RSF1: variants seen among roughly 807,000 people sequenced by gnomAD.
RSF1 encodes the protein remodeling and spacing factor 1.
A neutral mutation model predicts 145.2 loss-of-function variants in RSF1; 13 were observed. That is an observed-to-expected ratio of 0.09 (90% CI 0.06 to 0.14). The LOEUF is 0.14. Among genes scored for constraint, RSF1 ranks in the 10% least tolerant of loss-of-function variants. The probability of loss-of-function intolerance (pLI) is 1.00; values close to 1 mark genes in which losing one functional copy is unlikely to be tolerated. For missense variants in RSF1, 1,517 were observed against 1,718.2 expected (o/e 0.88, Z 2.07); for synonymous variants, 577 against 592.6 (o/e 0.97, Z 0.38).
chr11:77,712,845 A>G (rs1328608966), intron 5 of RSF1, among the ~76,000 whole-genome samples: 1 of 152,162 alleles, frequency 6.6e-6, no homozygotes, highest in Non-Finnish European at 1.5e-5. Context: ...TTTGTTACTA[A>G]AACTCTTACT....
At chr11:77,729,593 C>CAAA (rs763731047) in intron 4 of RSF1, among the ~76,000 whole-genome samples, 1 of 138,754 alleles carries the variant, frequency 7.2e-6, no homozygotes. Flanking sequence ...CCCAACCCCA[C>CAAA]AAAAAAAAAA....
chr11:77,830,119 A>ACCCT, the RSF1 span: 1 of 152,252 alleles, frequency 6.6e-6, no homozygotes. Flanking sequence ...ACAGAGCAAG[A>ACCCT]CCCTGTACCT....
rs1211634005 is a variant in RSF1 at position 77,701,462 on chromosome 11, C to T, written c.1767G>A (p.Glu589=). 1 of 1,614,076 alleles carries T rather than the reference C, an allele frequency of 6.2e-7. No individual in the cohort carries two copies. The highest frequency in any genetic ancestry group is 1.3e-5 in the African/African-American group (1 of 75,012). Residue 589 remains glutamate, a synonymous_variant, in exon 6 of 16, where the codon GAG becomes GAA. Coordinates refer to ENST00000308488, the MANE Select transcript of RSF1 (RefSeq NM_016578.4). The stretch of plus-strand genomic sequence containing the variant: ...TATCAAGAAAAGTCTTTTTGGACTT[C>T]TCTAACTTTTCAAGACATTCTAGGA... ...PPILECLEKL[E]KSKKTFLDKD... is the part of the protein sequence containing the mutation.
intron 3 of RSF1, 56 bp downstream of exon 3, chr11:77,746,980 G>C: frequency 2.8e-6 from 3 of 1,071,024 alleles, no homozygotes; most frequent in South Asian, 2.8e-5. Context: ...ATTTAACCAG[G>C]AGTCAAAAGT....
the RSF1 span, among the ~76,000 whole-genome samples, chr11:77,836,921 C>T: frequency 6.6e-5 from 10 of 152,026 alleles, no homozygotes; most frequent in East Asian, 3.9e-4. Flanking sequence ...GCCAAGATCG[C>T]GCCATTGCAC....
the RSF1 span, among the ~76,000 whole-genome samples, chr11:77,869,503 C>T: frequency 4.8e-4 from 27 of 56,178 alleles, no homozygotes; most frequent in Admixed American, 4.3e-3. Flanking sequence ...TGTAGAGACA[C>T]GGTCGGTCTC....
intron 4 of RSF1, among the ~76,000 whole-genome samples, chr11:77,731,256 C>T (rs1376107386): frequency 6.6e-6 from 1 of 152,126 alleles, no homozygotes; most frequent in Non-Finnish European, 1.5e-5. Context: ...TTCCCCTGCC[C>T]TAGAGATTTG....
the RSF1 span, among the ~76,000 whole-genome samples, chr11:77,853,444 T>C: frequency 6.6e-6 from 1 of 151,782 alleles, no homozygotes; most frequent in Admixed American, 6.6e-5. Flanking sequence ...TATATACTTT[T>C]AAACAACCAG....
At position 77,760,010 on chromosome 11, in the gene RSF1, C is replaced by G. The variant is rs1217196631; in HGVS notation, c.279+4588G>C. 3.3e-5 allele frequency among the ~76,000 whole-genome samples: 5 copies of G among 152,284 alleles called. No individual in the cohort carries two copies. The East Asian group carries it at 9.6e-4, about 29-fold the overall frequency. On this transcript the variant is annotated intron_variant, in intron 2 of 15. Coordinates refer to ENST00000308488, the MANE Select transcript of RSF1 (RefSeq NM_016578.4). Reference sequence around the variant, plus strand: ...GCTATGGTACAGCCGCTATGGAAAACAGTTTGGCAGGTCCTTAAAAAGTTA... The same window carrying G: ...GCTATGGTACAGCCGCTATGGAAAAGAGTTTGGCAGGTCCTTAAAAAGTTA...
rs762669381 is a variant in RSF1 at position 77,734,788 on chromosome 11, C to T, written c.578+5943G>A. ...TTTTTTGATATCCTGAAGGAAGATT[C>T]GGCCACCTCGTTGGTTCTGCAGCTT... is the stretch of plus-strand genomic sequence containing the variant. On this transcript the variant is annotated intron_variant, in intron 4 of 15. Transcript: ENST00000308488. 2.1e-5 allele frequency: 34 copies of T among 1,592,950 alleles called. No individual in the cohort carries two copies. The Admixed American group carries it at 2.8e-4, about 13-fold the overall frequency.
chr11:77,690,099 T>C (rs1044727244), intron 9 of RSF1, among the ~76,000 whole-genome samples: 3 of 149,796 alleles, frequency 2.0e-5, no homozygotes, highest in African/African-American at 4.9e-5. Context: ...GAGATGGAGG[T>C]TGCCATGAGC....
the RSF1 span, among the ~76,000 whole-genome samples, chr11:77,853,650 A>G: frequency 6.6e-6 from 1 of 152,084 alleles, no homozygotes; most frequent in Non-Finnish European, 1.5e-5. Context: ...TCACATTTCA[A>G]ATTACAGCCA....
intron 2 of RSF1, among the ~76,000 whole-genome samples, chr11:77,752,076 TAGAA>T (rs1371774054): frequency 4.6e-5 from 7 of 152,104 alleles, no homozygotes; most frequent in Admixed American, 6.5e-5. Flanking sequence ...ATACAGGAGA[TAGAA>T]AGAAATTATT....
chr11:77,868,181 G>A, the RSF1 span, among the ~76,000 whole-genome samples: 44 of 148,276 alleles, frequency 3.0e-4, no homozygotes, highest in East Asian at 1.0e-3. Flanking sequence ...TCAGCCTCCC[G>A]AGTAGCTGGG....
chr11:77,792,913 T>C (rs1344557786), intron 1 of RSF1, among the ~76,000 whole-genome samples: 1 of 151,906 alleles, frequency 6.6e-6, no homozygotes, highest in Non-Finnish European at 1.5e-5. Flanking sequence ...AACCTGGAAG[T>C]CAAAGGATGA....
At chr11:77,724,408 A>T (rs959414177) in intron 5 of RSF1, among the ~76,000 whole-genome samples, 3 of 152,186 alleles carry the variant, frequency 2.0e-5, no homozygotes, top group African/African-American at 4.8e-5. Context: ...GACTCAAGAG[A>T]TATCTGTACA....
chr11:77,819,538 C>T (rs2135996851), intron 1 of RSF1, among the ~76,000 whole-genome samples: 1 of 152,318 alleles, frequency 6.6e-6, no homozygotes, highest in South Asian at 2.1e-4. Context: ...GGAAGGAGCA[C>T]CACTTGCGAA....
At chr11:77,683,663 G>T in intron 11 of RSF1, 47 bp downstream of exon 11, 1 of 1,290,072 alleles carries the variant, frequency 7.8e-7, no homozygotes, top group Non-Finnish European at 1.1e-6. Flanking sequence ...CTGTGTACTT[G>T]CAAAATAAAT....
chr11:77,692,082 G>A (rs952347631), intron 8 of RSF1, among the ~76,000 whole-genome samples: 18 of 151,868 alleles, frequency 1.2e-4, no homozygotes, highest in African/African-American at 3.9e-4. Context: ...GTAGAGATGG[G>A]ATATCGTCAT....
Sources: allele counts gnomAD v4.1 joint callset (sites outside exome capture counted in the v4.1 genomes callset), GRCh38; gene constraint gnomAD v4.1.1; transcripts MANE v1.5; gene names NCBI Gene and HGNC (gene_info 2026-07-23, HGNC 2026-07-21).